Variants in XYLT1 observed in about 807,000 individuals in gnomAD.
XYLT1 encodes xylosyltransferase 1, also known as beta-D-xylosyltransferase 1.
A neutral mutation model predicts 91.3 loss-of-function variants in XYLT1; 36 were observed. The ratio of observed to expected loss-of-function variants is 0.39; its 90% CI spans 0.30 to 0.52. The LOEUF is 0.52. Among genes scored for constraint, XYLT1 ranks in the 20% least tolerant of loss-of-function variants. XYLT1 has a pLI of 0.68. For missense variants in XYLT1, 1,242 were observed against 1,284.5 expected, an observed-to-expected ratio of 0.97 and a Z score of 0.51; for synonymous variants, 588 against 532.0, an observed-to-expected ratio of 1.11 and a Z score of -1.45.
rs140830823 is a variant in XYLT1, at chr16:17,136,286, C to T, written c.1765-1551G>A. ...AGCCCAAATGCATGACTCCAAAATC[C>T]AAGCCCTTTCTACTGTATCACTCCA... On this transcript the variant is annotated intron_variant, in intron 8 of 11. Coordinates refer to ENST00000261381, the MANE Select transcript of XYLT1 (RefSeq NM_022166.4). Among the ~76,000 whole-genome samples the T allele has an allele frequency of 9.8e-5, 15 of 152,304 alleles. No homozygotes were observed. The East Asian group carries it at 2.9e-3, about 29-fold the overall frequency.
chr16:17,308,613 T>C (rs2034500694), intron 2 of XYLT1, among the ~76,000 whole-genome samples: 1 of 152,216 alleles, frequency 6.6e-6, no homozygotes, highest in South Asian at 2.1e-4. Context: ...CTTGCTTTCC[T>C]ACCCAAAGAC....
intron 1 of XYLT1, among the ~76,000 whole-genome samples, chr16:17,430,849 TTA>T (rs1312293753): frequency 6.6e-6 from 1 of 152,206 alleles, no homozygotes; most frequent in Admixed American, 6.5e-5. Context: ...TTAATTTTCA[TTA>T]TCTCATTCTA....
At chr16:17,253,552 C>T (rs1322581862) in intron 3 of XYLT1, among the ~76,000 whole-genome samples, 1 of 152,084 alleles carries the variant, frequency 6.6e-6, no homozygotes, top group African/African-American at 2.4e-5. Context: ...ATGCAATGTA[C>T]ATTAGCACTA....
chr16:17,365,128 G>A (rs1311237484), intron 1 of XYLT1, among the ~76,000 whole-genome samples: 6 of 152,118 alleles, frequency 3.9e-5, no homozygotes, highest in Admixed American at 6.5e-5. Context: ...TTTCCAGGAC[G>A]GGTGCAAAGT....
chr16:17,202,204 G>A (rs1267772971), intron 3 of XYLT1, among the ~76,000 whole-genome samples: 1 of 152,170 alleles, frequency 6.6e-6, no homozygotes, highest in African/African-American at 2.4e-5. Flanking sequence ...TGGGACCCAG[G>A]ACATTGTCAG....
intron 6 of XYLT1, among the ~76,000 whole-genome samples, chr16:17,154,824 C>T (rs952751005): frequency 2.6e-5 from 4 of 152,290 alleles, no homozygotes; most frequent in Admixed American, 2.6e-4. Context: ...GAGATGAAGA[C>T]AGAAGGTCAA....
At chr16:17,288,705 G>A (rs1467643395) in intron 2 of XYLT1, among the ~76,000 whole-genome samples, 2 of 152,162 alleles carry the variant, frequency 1.3e-5, no homozygotes, top group African/African-American at 2.4e-5. Context: ...ACTGGAGGAT[G>A]AGAGACCACG....
chr16:17,174,515 A>G (rs2031896152), intron 5 of XYLT1, among the ~76,000 whole-genome samples: 1 of 152,244 alleles, frequency 6.6e-6, no homozygotes, highest in Non-Finnish European at 1.5e-5. Flanking sequence ...AAGAAGCCAG[A>G]CGTGAAATAC....
At chr16:17,190,154 C>G (rs182568870) in intron 5 of XYLT1, among the ~76,000 whole-genome samples, 2 of 152,256 alleles carry the variant, frequency 1.3e-5, no homozygotes, top group Admixed American at 1.3e-4. Context: ...GAAGTGACTG[C>G]TTAATGGGTA....
chr16:17,267,499 C>T (rs8061648), intron 2 of XYLT1, among the ~76,000 whole-genome samples: 55,993 of 152,148 alleles, frequency 0.37, 11,077 homozygotes, highest in African/African-American at 0.52. Context: ...CTCCGCCTCC[C>T]GGGTTCACGC....
chr16:17,261,627 T>C (rs778074277), intron 2 of XYLT1, among the ~76,000 whole-genome samples: 3 of 152,152 alleles, frequency 2.0e-5, no homozygotes, highest in Non-Finnish European at 4.4e-5. Context: ...CCCAGCTAAA[T>C]GAATCTGCTA....
intron 1 of XYLT1, among the ~76,000 whole-genome samples, chr16:17,454,323 T>C (rs1307424701): frequency 6.6e-6 from 1 of 152,150 alleles, no homozygotes; most frequent in African/African-American, 2.4e-5. Context: ...AATGAAATAA[T>C]GCAAATGAAC....
At chr16:17,399,059 AC>A (rs201243412) in intron 1 of XYLT1, among the ~76,000 whole-genome samples, 4 of 150,790 alleles carry the variant, frequency 2.7e-5, no homozygotes, top group East Asian at 1.9e-4. Flanking sequence ...TAGCTTAGGG[AC>A]CCCCCCGCTT....
chr16:17,306,761 C>A (rs185535550), intron 2 of XYLT1, among the ~76,000 whole-genome samples: 1 of 152,200 alleles, frequency 6.6e-6, no homozygotes, highest in Admixed American at 6.5e-5. Context: ...ATTAAACATC[C>A]AAATTCCTAG....
At chr16:17,161,704 C>T (rs2031559166) in intron 5 of XYLT1, among the ~76,000 whole-genome samples, 2 of 151,578 alleles carry the variant, frequency 1.3e-5, no homozygotes, top group African/African-American at 2.4e-5. Context: ...CTCTCTTCCA[C>T]TCACACACGT....
chr16:17,381,572 A>T (rs966086660), intron 1 of XYLT1, among the ~76,000 whole-genome samples: 1 of 151,828 alleles, frequency 6.6e-6, no homozygotes, highest in Admixed American at 6.6e-5. Flanking sequence ...GATTACAGGC[A>T]TGCACCACCA....
chr16:17,315,015 C>T (rs4782010), intron 2 of XYLT1, among the ~76,000 whole-genome samples: 52,671 of 151,924 alleles, frequency 0.35, 10,133 homozygotes, highest in Admixed American at 0.53. Flanking sequence ...AGCCACGTGG[C>T]GGGTTATTCG....
Position 17,439,295 on chromosome 16 carries a change from T to C in XYLT1, c.363+31139A>G, listed in dbSNP as rs1158170935. ...AGAATTGGTCACACAGAGTTCCAGTTATCCCCAAACAAAGTTGACGGACAG... is the reference window on the plus strand; with the variant it reads ...AGAATTGGTCACACAGAGTTCCAGTCATCCCCAAACAAAGTTGACGGACAG... On this transcript the variant is annotated intron_variant, in intron 1 of 11. Coordinates refer to ENST00000261381, the MANE Select transcript of XYLT1 (RefSeq NM_022166.4). 3.9e-5 allele frequency among the ~76,000 whole-genome samples: 6 copies of C among 152,182 alleles called. No homozygotes were observed. In the East Asian group the frequency reaches 1.2e-3, roughly 29 times the overall value.
intron 1 of XYLT1, among the ~76,000 whole-genome samples, chr16:17,383,386 T>C (rs2035705337): frequency 6.6e-6 from 1 of 151,820 alleles, no homozygotes; most frequent in Admixed American, 6.6e-5. Context: ...CTGGTTGCGG[T>C]CACTGCCACC....
Sources: gnomAD v4.1 joint callset for allele counts (sites outside exome capture counted in the v4.1 genomes callset) on GRCh38, gnomAD v4.1.1 for gene constraint, MANE v1.5 for transcripts, NCBI Gene and HGNC (gene_info 2026-07-23, HGNC 2026-07-21) for gene names.